Variants in BNIP5 observed in about 807,000 individuals in gnomAD.
BNIP5 encodes the protein BCL2 interacting protein 5.
BNIP5 carries 61 observed loss-of-function variants against 67.3 expected under a neutral mutation model. That is an observed-to-expected ratio of 0.91 (90% CI 0.74 to 1.12). The LOEUF is 1.12. Among genes scored for constraint, BNIP5 ranks in the 50% most tolerant of loss-of-function variants. The probability of loss-of-function intolerance (pLI) is 0.00; values close to 1 mark genes in which losing one functional copy is unlikely to be tolerated. For missense variants in BNIP5, 826 were observed against 816.3 expected, an observed-to-expected ratio of 1.01 and a Z score of -0.14; for synonymous variants, 317 against 319.0, an observed-to-expected ratio of 0.99 and a Z score of 0.07.
intron 4 of BNIP5, 102 bp downstream of exon 4, chr6:36,326,928 G>T: frequency 2.2e-6 from 3 of 1,392,890 alleles, no homozygotes; most frequent in Non-Finnish European, 3.1e-6. Flanking sequence ...CTTCAGGGAA[G>T]GAATGGACTA....
intron 1 of BNIP5, among the ~76,000 whole-genome samples, chr6:36,333,820 C>T (rs1009286564): frequency 1.1e-4 from 16 of 152,208 alleles, no homozygotes; most frequent in African/African-American, 1.4e-4. Flanking sequence ...ATTTACTGAA[C>T]GGTGTCAGGG....
At chr6:36,335,536 T>C (rs1051164272) in intron 1 of BNIP5, among the ~76,000 whole-genome samples, 1 of 152,218 alleles carries the variant, frequency 6.6e-6, no homozygotes. Context: ...GCTCACCGCT[T>C]GCCATCGGTC....
rs1395489859 is a variant in BNIP5 at position 36,316,405 on chromosome 6, G to A, written c.*951C>T. On this transcript the variant is annotated 3_prime_UTR_variant, in exon 12 of 12. Transcript: ENST00000437635. ...TCTGGCACCCCCACACTTCACCTTT[G>A]TGCAAATACAAAAAATAGCCCTTTT... 7 of 397,708 alleles carry A rather than the reference G, an allele frequency of 1.8e-5. No homozygotes were observed. The highest frequency in any genetic ancestry group is 3.1e-5 in the Non-Finnish European group (7 of 226,036). 24.6% of individuals were successfully genotyped at this position (397,708 alleles called of 1,614,324 possible). A position where few individuals can be genotyped will look rare whatever the true frequency, so the allele number is the denominator to read the frequency against.
intron 11 of BNIP5, 149 bp from the exon 12 acceptor site, chr6:36,317,540 C>T (rs2127361164): frequency 2.8e-6 from 2 of 703,394 alleles, no homozygotes; most frequent in South Asian, 3.3e-5. Flanking sequence ...CCTGCTGACA[C>T]TGTTCTCCTG....
chr6:36,335,164 T>C (rs1582140131), intron 1 of BNIP5, among the ~76,000 whole-genome samples: 1 of 152,360 alleles, frequency 6.6e-6, no homozygotes, highest in East Asian at 1.9e-4. Context: ...CCAAGCTTGC[T>C]GCTGTGTGTT....
chr6:36,334,634 C>T (rs1368693304), intron 1 of BNIP5, among the ~76,000 whole-genome samples: 2 of 152,254 alleles, frequency 1.3e-5, no homozygotes, highest in South Asian at 2.1e-4. Context: ...CCCAGGAAGA[C>T]CCCTGAAGAA....
chr6:36,331,804 AC>A (rs752816727), intron 1 of BNIP5, among the ~76,000 whole-genome samples: 1 of 152,156 alleles, frequency 6.6e-6, no homozygotes, highest in Non-Finnish European at 1.5e-5. Flanking sequence ...TGCTGGGATT[AC>A]AGGCATGAGC....
intron 5 of BNIP5, 45 bp downstream of exon 5, chr6:36,326,465 G>A: frequency 6.2e-7 from 1 of 1,610,256 alleles, no homozygotes; most frequent in African/African-American, 1.3e-5. Flanking sequence ...TTCCAGAGCT[G>A]GAGGCAGCTG....
intron 1 of BNIP5, among the ~76,000 whole-genome samples, chr6:36,332,797 G>T (rs963328817): frequency 2.6e-5 from 4 of 152,154 alleles, no homozygotes; most frequent in African/African-American, 9.7e-5. Context: ...AACTCTTGGG[G>T]CTTTCCAATT....
intron 6 of BNIP5, 104 bp from the exon 7 acceptor site, chr6:36,324,294 A>C: frequency 2.0e-6 from 2 of 987,538 alleles, no homozygotes; most frequent in Admixed American, 1.8e-5. Context: ...TGATTCTCCA[A>C]GGGGGCTAAA....
At chr6:36,330,006 C>T in intron 2 of BNIP5, 75 bp downstream of exon 2, 1 of 1,484,442 alleles carries the variant, frequency 6.7e-7, no homozygotes, top group Middle Eastern at 2.2e-4. Flanking sequence ...TATCCCTGTC[C>T]CTCTGTGGAG....
chr6:36,329,110 T>C (rs1771828603), intron 2 of BNIP5, among the ~76,000 whole-genome samples: 9 of 152,112 alleles, frequency 5.9e-5, no homozygotes, highest in Admixed American at 5.9e-4. Context: ...GAATCAAAAG[T>C]TCTAGAGGGA....
intron 7 of BNIP5, 26 bp from the exon 8 acceptor site, chr6:36,323,559 G>A (rs772108154): frequency 3.7e-5 from 59 of 1,613,008 alleles, no homozygotes; most frequent in Admixed American, 1.2e-4. Context: ...GAGAAACTGA[G>A]TCAGGGCCCC....
rs760802415 is a variant in BNIP5 at position 36,330,504 on chromosome 6, C to T, written c.187G>A (p.Ala63Thr). Reference protein sequence around the residue: ...SDWARHSDSPAPSAEAHCTTA... With the variant: ...SDWARHSDSPTPSAEAHCTTA... ...GTGCAGTGAGCCTCTGCAGATGGAG[C>T]TGGGCTGTCTGAATGTCTGGCCCAA... The change falls in exon 2 of 12, where the codon GCT becomes ACT. Residue 63 changes from alanine (A) to threonine (T), a missense_variant. By Grantham distance (58) the Ala-to-Thr change is moderately conservative (BLOSUM62 0). Transcript: ENST00000437635. The T allele has an allele frequency of 1.9e-6, 3 of 1,614,004 alleles. No individual in the cohort carries two copies. In the African/African-American group the frequency reaches 4.0e-5, roughly 22 times the overall value.
Position 36,316,455 on chromosome 6 carries a change from C to A in BNIP5, c.*901G>T. The A allele has an allele frequency of 5.0e-6, 2 of 398,546 alleles. No homozygotes were observed. The highest frequency in any genetic ancestry group is 8.8e-6 in the Non-Finnish European group (2 of 226,074). 24.7% of individuals were successfully genotyped at this position (398,546 alleles called of 1,614,324 possible). A position where few individuals can be genotyped will look rare whatever the true frequency, so the allele number is the denominator to read the frequency against. On this transcript the variant is annotated 3_prime_UTR_variant, in exon 12 of 12. Coordinates refer to ENST00000437635, the MANE Select transcript of BNIP5 (RefSeq NM_001010903.5). ...TCTCAAGACATGTTACTGCTACCAG[C>A]TGCAAAACTGTCATGATAAATCTAC...
chr6:36,327,662 AC>A lies in BNIP5; in HGVS notation c.728-569del, dbSNP rs374787676. Among the ~76,000 whole-genome samples, 29 of 152,042 alleles carry A rather than the reference AC, an allele frequency of 1.9e-4. No homozygotes were observed. In the East Asian group the frequency reaches 5.2e-3, roughly 27 times the overall value. The stretch of plus-strand genomic sequence containing the variant: ...CCTGCCACGCTGATGCCTCAGCCAC[AC>A]CCCCATGTCTGCACGGAGAAGCCAC... On this transcript the variant is annotated intron_variant, in intron 3 of 11. Transcript: ENST00000437635.
chr6:36,336,522 C>T (rs1289998546), intron 1 of BNIP5, among the ~76,000 whole-genome samples, 190 bp downstream of exon 1: 1 of 152,138 alleles, frequency 6.6e-6, no homozygotes, highest in African/African-American at 2.4e-5. Flanking sequence ...AACCTTGCTC[C>T]CTCTTTTTAG....
chr6:36,328,677 T>TTTGATGAGGAA lies in BNIP5; in HGVS notation c.637_647dup (p.Lys216AsnfsTer38). On this transcript the variant is annotated frameshift_variant, in exon 3 of 12. Coordinates refer to ENST00000437635, the MANE Select transcript of BNIP5 (RefSeq NM_001010903.5). LOFTEE classifies it high-confidence loss of function. Reference sequence around the variant, plus strand: ...CATCCAAAGCTCCAGTACCATCCACTTTGATGAGGAAGGACTGGTGATCAG... The same window carrying TTTGATGAGGAA: ...CATCCAAAGCTCCAGTACCATCCACTTTGATGAGGAATTGATGAGGAAGGACTGGTGATCAG... 1 of 1,614,006 alleles carries TTTGATGAGGAA rather than the reference T, an allele frequency of 6.2e-7. No individual in the cohort carries two copies. The highest frequency in any genetic ancestry group is 1.1e-5 in the South Asian group (1 of 91,074).
chr6:36,324,665 C>G (rs1771723134), intron 6 of BNIP5, among the ~76,000 whole-genome samples: 1 of 109,232 alleles, frequency 9.2e-6, no homozygotes, highest in Non-Finnish European at 1.8e-5. Context: ...AGGCCTGGCT[C>G]TGCCAATGGT....
Sources: allele counts gnomAD v4.1 joint callset (sites outside exome capture counted in the v4.1 genomes callset), GRCh38; gene constraint gnomAD v4.1.1; transcripts MANE v1.5; gene names NCBI Gene and HGNC (gene_info 2026-07-23, HGNC 2026-07-21).